Variants in BOLL observed in about 807,000 individuals in gnomAD.
The protein encoded by BOLL is boule RNA binding protein, also known as protein boule-like.
In BOLL, 23 loss-of-function variants were observed where a neutral mutation model predicts 44.4. The ratio of observed to expected loss-of-function variants is 0.52; its 90% CI spans 0.37 to 0.73. BOLL has a LOEUF of 0.73. Ranked by LOEUF, BOLL falls within the 30% of genes least tolerant of loss-of-function variation. The pLI, the probability that BOLL is intolerant of heterozygous loss-of-function variation, is 0.00. For missense variants in BOLL, 287 were observed against 338.3 expected (o/e 0.85, Z 1.19); for synonymous variants, 97 against 110.8 (o/e 0.88, Z 0.78).
intron 9 of BOLL, among the ~76,000 whole-genome samples, chr2:197,746,981 C>G (rs1688016701): frequency 6.6e-6 from 1 of 150,532 alleles, no homozygotes; most frequent in African/African-American, 2.4e-5. Flanking sequence ...AGATGTTGGT[C>G]AAAGGTTACA....
chr2:197,741,624 A>G (rs1418368063), intron 10 of BOLL, among the ~76,000 whole-genome samples: 4 of 152,104 alleles, frequency 2.6e-5, no homozygotes, highest in Non-Finnish European at 5.9e-5. Context: ...GAAAGCTGAA[A>G]CTGGATCCCT....
In BOLL at chr2:197,728,619, G is replaced by A. The variant is rs115603154; in HGVS notation, c.829-41C>T. 1,499 of 1,405,988 alleles carry A rather than the reference G, an allele frequency of 1.1e-3. 14 individuals carry two copies. In the African/African-American group the frequency reaches 0.019, roughly 17 times the overall value. The allele number at this position is 1,405,988 out of a possible 1,614,324, so 87.1% of individuals were successfully genotyped here. A position where few individuals can be genotyped will look rare whatever the true frequency, so the allele number is the denominator to read the frequency against. On this transcript the variant is annotated intron_variant, in intron 10 of 10. Coordinates refer to ENST00000392296, the MANE Select transcript of BOLL (RefSeq NM_033030.6). ...AAAATATAGATCAGGAAGACTGAAT[G>A]GAAAAAAAAAGATAAGTTAGAACAG...
intron 6 of BOLL, 80 bp downstream of exon 6, chr2:197,771,775 T>A: frequency 7.3e-7 from 1 of 1,368,638 alleles, no homozygotes. Context: ...TATCTGTGGT[T>A]AAGATATTTC....
At chr2:197,746,314 G>T (rs577114808) in intron 9 of BOLL, among the ~76,000 whole-genome samples, 1 of 152,276 alleles carries the variant, frequency 6.6e-6, no homozygotes, top group Admixed American at 6.5e-5. Context: ...CAAAGGAAAT[G>T]AAGTCAGTAT....
intron 9 of BOLL, among the ~76,000 whole-genome samples, chr2:197,746,822 C>T (rs1405025539): frequency 6.6e-6 from 1 of 150,568 alleles, no homozygotes; most frequent in Non-Finnish European, 1.5e-5. Context: ...ATCGCTTGAA[C>T]CCGGGAGGCA....
At chr2:197,763,221 G>A (rs939433222) in intron 7 of BOLL, among the ~76,000 whole-genome samples, 25 of 152,096 alleles carry the variant, frequency 1.6e-4, no homozygotes, top group Non-Finnish European at 2.8e-4. Context: ...GGTGGCTGAC[G>A]CCTGTAATCC....
chr2:197,742,467 C>T (rs1307693511), intron 10 of BOLL, among the ~76,000 whole-genome samples: 31 of 152,102 alleles, frequency 2.0e-4, no homozygotes, highest in African/African-American at 4.8e-4. Flanking sequence ...ATATACACCT[C>T]GGAATACTAT....
At chr2:197,756,311 A>G in intron 9 of BOLL, 117 bp downstream of exon 9, 1 of 1,019,310 alleles carries the variant, frequency 9.8e-7, no homozygotes, top group South Asian at 2.4e-5. Flanking sequence ...GAATAAATCA[A>G]CAAAACAAAG....
Position 197,735,792 on chromosome 2 carries a change from T to C in BOLL, c.829-7214A>G, listed in dbSNP as rs561155302. ...TAGTTTTTGCCTGTTTCGGAGAGGA[T>C]ATTAATTGTAGTTTCTTTGATATTT... is the stretch of plus-strand genomic sequence containing the variant. On this transcript the variant is annotated intron_variant, in intron 10 of 10. Transcript: ENST00000392296. Among the ~76,000 whole-genome samples, 3 of 152,284 alleles carry C rather than the reference T, an allele frequency of 2.0e-5. No individual in the cohort carries two copies. The South Asian group carries it at 6.2e-4, about 32-fold the overall frequency.
At chr2:197,761,249 T>C (rs998340780) in intron 7 of BOLL, among the ~76,000 whole-genome samples, 9 of 152,154 alleles carry the variant, frequency 5.9e-5, no homozygotes, top group African/African-American at 2.2e-4. Context: ...AGTTTGACAC[T>C]GCAGTGAGCT....
chr2:197,776,398 A>G (rs1399311878), intron 4 of BOLL, among the ~76,000 whole-genome samples: 4 of 151,926 alleles, frequency 2.6e-5, no homozygotes, highest in Non-Finnish European at 4.4e-5. Context: ...ATGCCTTTAA[A>G]TGGAAAACCA....
intron 9 of BOLL, among the ~76,000 whole-genome samples, chr2:197,750,233 C>T (rs2106338706): frequency 6.6e-6 from 1 of 152,192 alleles, no homozygotes; most frequent in East Asian, 1.9e-4. Flanking sequence ...AAGGAAACCG[C>T]ATCAACTAAT....
At chr2:197,742,811 T>TAATAA (rs1298848367) in intron 10 of BOLL, among the ~76,000 whole-genome samples, 1 of 151,906 alleles carries the variant, frequency 6.6e-6, no homozygotes, top group Non-Finnish European at 1.5e-5. Context: ...ACTTAAAGTA[T>TAATAA]AATAAAATAA....
chr2:197,744,187 C>CAT (rs1214636503), intron 9 of BOLL, among the ~76,000 whole-genome samples: 1 of 152,194 alleles, frequency 6.6e-6, no homozygotes, highest in Non-Finnish European at 1.5e-5. Context: ...GGTCTTACTG[C>CAT]ATTTCAAGTG....
At chr2:197,741,467 G>T (rs529794776) in intron 10 of BOLL, among the ~76,000 whole-genome samples, 130 of 152,098 alleles carry the variant, frequency 8.5e-4, no homozygotes, top group African/African-American at 3.0e-3. Context: ...AACAGAGATA[G>T]AGACCAATGG....
chr2:197,749,290 A>T (rs554362278), intron 9 of BOLL, among the ~76,000 whole-genome samples: 7 of 152,324 alleles, frequency 4.6e-5, no homozygotes, highest in Admixed American at 1.3e-4. Flanking sequence ...AAAAACCAGC[A>T]CAAAAAGGCT....
At chr2:197,755,007 A>G (rs1454850559) in intron 9 of BOLL, among the ~76,000 whole-genome samples, 1 of 152,196 alleles carries the variant, frequency 6.6e-6, no homozygotes, top group African/African-American at 2.4e-5. Context: ...ATCTGACAAA[A>G]GTCCAATATC....
chr2:197,749,416 G>A (rs1179158145), intron 9 of BOLL, among the ~76,000 whole-genome samples: 1 of 152,054 alleles, frequency 6.6e-6, no homozygotes, highest in East Asian at 1.9e-4. Context: ...GTAGGCTTCA[G>A]AGGTGGGTAA....
chr2:197,739,933 T>C (rs1012727364), intron 10 of BOLL, among the ~76,000 whole-genome samples: 3 of 152,160 alleles, frequency 2.0e-5, no homozygotes, highest in African/African-American at 7.2e-5. Context: ...TTACATAATA[T>C]GGCATAGCAA....
Sources: gnomAD v4.1 joint callset for allele counts (sites outside exome capture counted in the v4.1 genomes callset) on GRCh38, gnomAD v4.1.1 for gene constraint, MANE v1.5 for transcripts, NCBI Gene and HGNC (gene_info 2026-07-23, HGNC 2026-07-21) for gene names.